NEK1: variants seen among roughly 807,000 people sequenced by gnomAD.
NEK1 encodes the protein NIMA related kinase 1.
A neutral mutation model predicts 182.1 loss-of-function variants in NEK1; 137 were observed. That is an observed-to-expected ratio of 0.75 (90% CI 0.65 to 0.87). NEK1 has a LOEUF of 0.87. Ranked by LOEUF, NEK1 falls within the 40% of genes least tolerant of loss-of-function variation. NEK1 has a pLI of 0.00. For missense variants in NEK1, 1,391 were observed against 1,494.4 expected, an observed-to-expected ratio of 0.93 and a Z score of 1.14; for synonymous variants, 513 against 492.2, an observed-to-expected ratio of 1.04 and a Z score of -0.56.
intron 19 of NEK1, among the ~76,000 whole-genome samples, chr4:169,523,232 A>T (rs1756377667): frequency 6.6e-6 from 1 of 152,192 alleles, no homozygotes; most frequent in South Asian, 2.1e-4. Flanking sequence ...TGGAAAGACT[A>T]AGAGATTGCT....
chr4:169,529,324 T>A (rs1757340453), intron 19 of NEK1, among the ~76,000 whole-genome samples: 2 of 152,010 alleles, frequency 1.3e-5, no homozygotes, highest in African/African-American at 4.8e-5. Flanking sequence ...AAAATAGAAA[T>A]CAAGGAAGAC....
chr4:169,546,499 C>T (rs558975803), intron 18 of NEK1, among the ~76,000 whole-genome samples: 34 of 152,178 alleles, frequency 2.2e-4, no homozygotes, highest in African/African-American at 6.7e-4. Flanking sequence ...CTATTAGGTC[C>T]GCTCAGTCCA....
intron 5 of NEK1, among the ~76,000 whole-genome samples, chr4:169,597,729 T>C (rs1769778724): frequency 6.6e-6 from 1 of 151,814 alleles, no homozygotes; most frequent in Admixed American, 6.6e-5. Context: ...GGTCAGGAGA[T>C]GGAGACCACC....
At chr4:169,589,714 T>C (rs1343786956) in intron 6 of NEK1, among the ~76,000 whole-genome samples, 200 bp from the exon 7 acceptor site, 2 of 151,946 alleles carry the variant, frequency 1.3e-5, no homozygotes, top group Non-Finnish European at 2.9e-5. Flanking sequence ...GATCTAAATA[T>C]CAAAACTAAA....
chr4:169,474,690 ATC>A (rs1746634531), intron 26 of NEK1, among the ~76,000 whole-genome samples: 1 of 151,996 alleles, frequency 6.6e-6, no homozygotes, highest in South Asian at 2.1e-4. Flanking sequence ...TCCTAATTTT[ATC>A]TCTGTCTGTT....
intron 18 of NEK1, among the ~76,000 whole-genome samples, chr4:169,543,820 G>T (rs572479863): frequency 1.7e-4 from 26 of 152,138 alleles, no homozygotes; most frequent in Non-Finnish European, 2.9e-4. Context: ...TGTGATTTTT[G>T]CACATTGATT....
Position 169,537,742 on chromosome 4 carries a change from C to T in NEK1, c.1665+67G>A, listed in dbSNP as rs927477746. The T allele has an allele frequency of 7.6e-6, 9 of 1,181,824 alleles. No homozygotes were observed. In the African/African-American group the frequency reaches 1.2e-4, roughly 16 times the overall value. The allele number at this position is 1,181,824 out of a possible 1,614,324, so 73.2% of individuals were successfully genotyped here. On this transcript the variant is annotated intron_variant, in intron 19 of 35. Coordinates refer to ENST00000507142, the MANE Select transcript of NEK1 (RefSeq NM_001199397.3). ...CTGTCATTCTTTTTACTTACACTTA[C>T]CTTATTCCAGACCTTCACTTGGAAT...
intron 22 of NEK1, 44 bp from the exon 23 acceptor site, chr4:169,507,176 G>T: frequency 1.7e-6 from 2 of 1,206,426 alleles, no homozygotes; most frequent in South Asian, 3.1e-5. Flanking sequence ...CAGAAAGAAG[G>T]GCAGAGGTTT....
intron 13 of NEK1, 110 bp from the exon 14 acceptor site, chr4:169,562,001 T>TAAAAAAA: frequency 1.1e-6 from 1 of 929,430 alleles, no homozygotes; most frequent in Non-Finnish European, 1.5e-6. Context: ...GGTTTTTTTT[T>TAAAAAAA]TAAAAAAAAA....
chr4:169,476,256 T>C (rs1006461409), intron 26 of NEK1, among the ~76,000 whole-genome samples: 3 of 152,106 alleles, frequency 2.0e-5, no homozygotes, highest in African/African-American at 7.2e-5. Flanking sequence ...GACTGGATCA[T>C]GGGGGCTCTT....
At chr4:169,480,858 G>A (rs911641892) in intron 23 of NEK1, among the ~76,000 whole-genome samples, 2 of 152,072 alleles carry the variant, frequency 1.3e-5, no homozygotes, top group Admixed American at 6.6e-5. Context: ...GATTACAAGC[G>A]TAAGCCACTG....
At chr4:169,533,634 A>T (rs982728241) in intron 19 of NEK1, among the ~76,000 whole-genome samples, 1 of 152,216 alleles carries the variant, frequency 6.6e-6, no homozygotes. Context: ...ATAAAAGGAA[A>T]CTCATTAGAT....
At chr4:169,559,663 A>G (rs888088924) in intron 16 of NEK1, among the ~76,000 whole-genome samples, 7 of 152,224 alleles carry the variant, frequency 4.6e-5, no homozygotes, top group Non-Finnish European at 7.3e-5. Flanking sequence ...TCTATTGTAC[A>G]TCTAAATATC....
chr4:169,539,425 G>C (rs1759039490), intron 18 of NEK1, among the ~76,000 whole-genome samples: 1 of 152,086 alleles, frequency 6.6e-6, no homozygotes, highest in South Asian at 2.1e-4. Context: ...TCTGACATGA[G>C]ATTAATAAGG....
chr4:169,450,408 A>C (rs1312461579), intron 27 of NEK1, among the ~76,000 whole-genome samples: 2 of 152,186 alleles, frequency 1.3e-5, no homozygotes, highest in Non-Finnish European at 2.9e-5. Flanking sequence ...TGAAGGAAAA[A>C]GTATTAAGGG....
rs1762100516 is a variant in NEK1, at chr4:169,555,929, T to G, written c.1430+3A>C. On this transcript the variant is annotated splice_donor_region_variant and intron_variant, in intron 17 of 35. Coordinates refer to ENST00000507142, the MANE Select transcript of NEK1 (RefSeq NM_001199397.3). Reference sequence around the variant, plus strand: ...AAGCAACTTCTGCAGAACATAGCCATACCTTTCTGGAAGACCTCGACCATA... The same window carrying G: ...AAGCAACTTCTGCAGAACATAGCCAGACCTTTCTGGAAGACCTCGACCATA... 6.2e-7 allele frequency: 1 copy of G among 1,613,476 alleles called. No individual in the cohort carries two copies. Among genetic ancestry groups the G allele is most frequent in the South Asian group, 1.1e-5 (1 of 91,048 alleles).
chr4:169,466,609 T>G (rs1195062859), intron 26 of NEK1, among the ~76,000 whole-genome samples: 1 of 152,000 alleles, frequency 6.6e-6, no homozygotes, highest in Non-Finnish European at 1.5e-5. Flanking sequence ...AATAAAAACT[T>G]TTACAAACAT....
intron 18 of NEK1, among the ~76,000 whole-genome samples, chr4:169,541,747 T>C (rs1474542841): frequency 1.3e-5 from 2 of 152,190 alleles, no homozygotes; most frequent in African/African-American, 4.8e-5. Context: ...ACCTTCGGTA[T>C]TAACTAGTCC....
chr4:169,599,045 T>G, intron 5 of NEK1, 55 bp downstream of exon 5: 3 of 1,372,270 alleles, frequency 2.2e-6, no homozygotes, highest in Non-Finnish European at 3.1e-6. Context: ...ATAAACAAAT[T>G]TTGAACTACT....
Sources: allele counts gnomAD v4.1 joint callset (sites outside exome capture counted in the v4.1 genomes callset), GRCh38; gene constraint gnomAD v4.1.1; transcripts MANE v1.5; gene names NCBI Gene and HGNC (gene_info 2026-07-23, HGNC 2026-07-21).